The following CNTNAP2 variants were observed in gnomAD, a reference collection of about 807,000 sequenced individuals.
CNTNAP2 encodes contactin associated protein 2.
CNTNAP2 carries 98 observed loss-of-function variants against 155.2 expected under a neutral mutation model. The observed-to-expected ratio is 0.63, with a 90% CI of 0.54 to 0.75. CNTNAP2 has a LOEUF of 0.75. CNTNAP2 is among the 30% of genes least tolerant of loss of function. CNTNAP2 has a pLI of 0.00. For synonymous variants in CNTNAP2, 651 were observed against 631.2 expected, an observed-to-expected ratio of 1.03 and a Z score of -0.47; for missense variants, 1,727 against 1,688.1, an observed-to-expected ratio of 1.02 and a Z score of -0.40.
intron 1 of CNTNAP2, among the ~76,000 whole-genome samples, chr7:146,412,176 AG>A (rs1482699685): frequency 6.6e-6 from 1 of 152,154 alleles, no homozygotes; most frequent in Non-Finnish European, 1.5e-5. Context: ...AGAACAAAGC[AG>A]CCACCTTCCC....
intron 1 of CNTNAP2, among the ~76,000 whole-genome samples, chr7:146,643,419 C>T (rs1799748963): frequency 6.6e-6 from 1 of 152,058 alleles, no homozygotes; most frequent in Non-Finnish European, 1.5e-5. Flanking sequence ...AATAGGGAAT[C>T]CTTTCCCCAT....
intron 1 of CNTNAP2, among the ~76,000 whole-genome samples, chr7:146,724,398 A>G (rs1801392850): frequency 6.6e-6 from 1 of 151,948 alleles, no homozygotes; most frequent in South Asian, 2.1e-4. Flanking sequence ...AGAGATGGCC[A>G]CATGTGTACA....
chr7:146,546,894 T>C, intron 1 of CNTNAP2, among the ~76,000 whole-genome samples: 1 of 151,914 alleles, frequency 6.6e-6, no homozygotes, highest in East Asian at 1.9e-4. Context: ...CCTCCCATGA[T>C]TATGGGAACT....
chr7:147,111,306 A>G (rs568947986), intron 5 of CNTNAP2, among the ~76,000 whole-genome samples: 58 of 152,144 alleles, frequency 3.8e-4, no homozygotes, highest in Non-Finnish European at 7.5e-4. Flanking sequence ...TTTGTTTCTC[A>G]TTCTGTAGGT....
At chr7:148,202,093 T>C (rs537472688) in intron 18 of CNTNAP2, among the ~76,000 whole-genome samples, 3 of 152,186 alleles carry the variant, frequency 2.0e-5, no homozygotes, top group South Asian at 2.1e-4. Flanking sequence ...ATAGAGCCTT[T>C]TGCAGAATCC....
chr7:148,099,984 G>C (rs1306121695), intron 15 of CNTNAP2, among the ~76,000 whole-genome samples: 1 of 144,424 alleles, frequency 6.9e-6, no homozygotes, highest in Non-Finnish European at 1.5e-5. Flanking sequence ...GCAATTCTCT[G>C]CCTCAGCCTT....
chr7:147,403,973 C>CT (rs1005690025), intron 10 of CNTNAP2, among the ~76,000 whole-genome samples: 2 of 152,110 alleles, frequency 1.3e-5, no homozygotes, highest in Non-Finnish European at 2.9e-5. Flanking sequence ...ATCTCCTTCT[C>CT]TTTTTTTCTT....
intron 1 of CNTNAP2, among the ~76,000 whole-genome samples, chr7:146,273,215 A>C (rs971334739): frequency 2.1e-5 from 3 of 140,104 alleles, no homozygotes; most frequent in Non-Finnish European, 4.6e-5. Flanking sequence ...CGTCACGTGC[A>C]AAAAAAAAAA....
chr7:147,949,438 G>GTTTATATATATATATATA, intron 14 of CNTNAP2, among the ~76,000 whole-genome samples: 1 of 89,456 alleles, frequency 1.1e-5, no homozygotes, highest in Non-Finnish European at 2.8e-5. Context: ...GATCAACTGT[G>GTTTATATATATATATATA]TGTATATATA....
chr7:147,300,097 G>T (rs1236491752), intron 8 of CNTNAP2, 44 bp from the exon 9 acceptor site: 1 of 1,595,218 alleles, frequency 6.3e-7, no homozygotes, highest in Non-Finnish European at 8.6e-7. Context: ...GTGTTCAGCT[G>T]GGTAATTTTA....
intron 14 of CNTNAP2, among the ~76,000 whole-genome samples, chr7:147,908,469 C>T (rs1338221291): frequency 6.6e-6 from 1 of 152,176 alleles, no homozygotes; most frequent in Non-Finnish European, 1.5e-5. Flanking sequence ...CTGCTGTTTA[C>T]AAGTGTTGTC....
chr7:147,647,167 T>C (rs1194638799), intron 13 of CNTNAP2, among the ~76,000 whole-genome samples: 1 of 151,818 alleles, frequency 6.6e-6, no homozygotes, highest in Non-Finnish European at 1.5e-5. Context: ...TTTTTTCTTT[T>C]TTTTTTGTAT....
intron 15 of CNTNAP2, among the ~76,000 whole-genome samples, chr7:148,049,086 G>A (rs1563180580): frequency 6.6e-6 from 1 of 152,062 alleles, no homozygotes; most frequent in Admixed American, 6.6e-5. Flanking sequence ...GTAGTGGTAG[G>A]TGCCTGTAAT....
At chr7:147,642,011 C>CGTGTGTGCGTGT (rs1554416370) in intron 13 of CNTNAP2, among the ~76,000 whole-genome samples, 2 of 149,600 alleles carry the variant, frequency 1.3e-5, no homozygotes, top group Non-Finnish European at 1.5e-5. Context: ...TGTGTGTGTG[C>CGTGTGTGCGTGT]GTGTGTGTGT....
chr7:147,009,949 A>G (rs1490058355), intron 3 of CNTNAP2, among the ~76,000 whole-genome samples: 1 of 152,052 alleles, frequency 6.6e-6, no homozygotes, highest in Non-Finnish European at 1.5e-5. Context: ...GCCTAGGAGC[A>G]ACAATGCTCC....
chr7:146,259,197 T>C (rs553402255), intron 1 of CNTNAP2, among the ~76,000 whole-genome samples: 8 of 152,336 alleles, frequency 5.3e-5, no homozygotes, highest in African/African-American at 1.9e-4. Context: ...TGTGAGTCAA[T>C]TAGACCTCTT....
At chr7:147,424,126 G>A (rs757055533) in intron 10 of CNTNAP2, among the ~76,000 whole-genome samples, 4 of 151,972 alleles carry the variant, frequency 2.6e-5, no homozygotes, top group Admixed American at 6.6e-5. Flanking sequence ...ACTTCATTCC[G>A]CTGCTCCATT....
intron 13 of CNTNAP2, among the ~76,000 whole-genome samples, chr7:147,862,647 A>T (rs944780566): frequency 3.9e-5 from 6 of 152,106 alleles, no homozygotes; most frequent in Non-Finnish European, 8.8e-5. Flanking sequence ...ATATATACAC[A>T]CACACACATA....
At chr7:147,584,943 G>A (rs141699071) in intron 12 of CNTNAP2, among the ~76,000 whole-genome samples, 3 of 152,168 alleles carry the variant, frequency 2.0e-5, no homozygotes, top group South Asian at 2.1e-4. Flanking sequence ...CAAGGCATGC[G>A]GCCAGGACAG....
Sources: allele counts gnomAD v4.1 joint callset (sites outside exome capture counted in the v4.1 genomes callset), GRCh38; gene constraint gnomAD v4.1.1; transcripts MANE v1.5; gene names NCBI Gene and HGNC (gene_info 2026-07-23, HGNC 2026-07-21).